The following TUFT1 variants were observed in gnomAD, a reference collection of about 807,000 sequenced individuals.
TUFT1 encodes the protein tuftelin.
In TUFT1, 43 loss-of-function variants were observed where a neutral mutation model predicts 57.8. That is an observed-to-expected ratio of 0.74 (90% confidence interval 0.58 to 0.96). The LOEUF (loss-of-function observed/expected upper bound fraction) is 0.96. Ranked by LOEUF, TUFT1 falls within the 40% of genes least tolerant of loss-of-function variation. The pLI is 0.00. For missense variants in TUFT1, 459 were observed against 489.0 expected (o/e 0.94, Z 0.58); for synonymous variants, 166 against 176.7 (o/e 0.94, Z 0.48).
chr1:151,546,112 C>G (rs532276416), intron 1 of TUFT1, among the ~76,000 whole-genome samples: 1 of 145,448 alleles, frequency 6.9e-6, no homozygotes, highest in Non-Finnish European at 1.5e-5. Flanking sequence ...TTCATCCTCT[C>G]TCTCTTTTTC....
intron 1 of TUFT1, among the ~76,000 whole-genome samples, chr1:151,555,349 A>G (rs1665656833): frequency 6.6e-6 from 1 of 151,120 alleles, no homozygotes; most frequent in African/African-American, 2.4e-5. Context: ...AAAAAATTAT[A>G]AGGCATACAC....
At chr1:151,557,405 G>C (rs1665737413) in intron 1 of TUFT1, 2 of 865,204 alleles carry the variant, frequency 2.3e-6, no homozygotes, top group South Asian at 1.4e-5. Context: ...AAACCTAAGA[G>C]GGGCTTTCCA....
intron 1 of TUFT1, among the ~76,000 whole-genome samples, chr1:151,547,372 G>A (rs1571685587): frequency 6.6e-6 from 1 of 152,316 alleles, no homozygotes; most frequent in East Asian, 1.9e-4. Flanking sequence ...TCAGAGAGGT[G>A]GGATGAGCTT....
At chr1:151,549,897 C>G (rs544646139) in intron 1 of TUFT1, among the ~76,000 whole-genome samples, 3 of 152,034 alleles carry the variant, frequency 2.0e-5, no homozygotes, top group East Asian at 3.9e-4. Flanking sequence ...AATTTTTGTA[C>G]TTTTTGTAGA....
intron 1 of TUFT1, among the ~76,000 whole-genome samples, chr1:151,551,305 T>G (rs979185750): frequency 6.6e-6 from 1 of 152,142 alleles, no homozygotes; most frequent in Non-Finnish European, 1.5e-5. Flanking sequence ...GGAAAATCCC[T>G]GAACATATCA....
intron 1 of TUFT1, chr1:151,540,658 G>T (rs1665132597): frequency 1.8e-6 from 1 of 547,306 alleles, no homozygotes; most frequent in Non-Finnish European, 3.3e-6. Flanking sequence ...CCTTTGGTAG[G>T]ACACTGCGGC....
intron 1 of TUFT1, among the ~76,000 whole-genome samples, chr1:151,546,548 T>C (rs1166696285): frequency 6.6e-6 from 1 of 152,202 alleles, no homozygotes; most frequent in Non-Finnish European, 1.5e-5. Flanking sequence ...CTCTCAGCCC[T>C]AGGCAGCCAC....
At chr1:151,580,531 C>T (rs1666613811) in intron 11 of TUFT1, among the ~76,000 whole-genome samples, 1 of 151,754 alleles carries the variant, frequency 6.6e-6, no homozygotes. Context: ...GATGTGGTGG[C>T]ATGCATCTGT....
At chr1:151,555,879 C>T (rs1665680299) in intron 1 of TUFT1, among the ~76,000 whole-genome samples, 1 of 151,526 alleles carries the variant, frequency 6.6e-6, no homozygotes, top group African/African-American at 2.4e-5. Context: ...GTGGTAACAT[C>T]TTGCAAAACT....
chr1:151,578,021 G>C (rs1666531296), intron 9 of TUFT1, among the ~76,000 whole-genome samples: 2 of 150,106 alleles, frequency 1.3e-5, no homozygotes, highest in South Asian at 4.2e-4. Flanking sequence ...GTGAGACCCT[G>C]TCTCCGGAAA....
intron 10 of TUFT1, among the ~76,000 whole-genome samples, 158 bp downstream of exon 10, chr1:151,578,984 C>T (rs899326079): frequency 6.6e-6 from 1 of 152,230 alleles, no homozygotes; most frequent in Non-Finnish European, 1.5e-5. Flanking sequence ...TTGCTTTTCT[C>T]CCATCTTTCC....
chr1:151,546,680 A>G (rs1240200033), intron 1 of TUFT1, among the ~76,000 whole-genome samples: 3 of 152,212 alleles, frequency 2.0e-5, no homozygotes, highest in Non-Finnish European at 4.4e-5. Context: ...AGGTTCATCC[A>G]TGTTGTAATG....
intron 7 of TUFT1, among the ~76,000 whole-genome samples, chr1:151,573,476 G>A (rs1189064699): frequency 6.6e-6 from 1 of 152,186 alleles, no homozygotes; most frequent in African/African-American, 2.4e-5. Flanking sequence ...TCTGATAAAA[G>A]GCTCACTCCT....
At chr1:151,557,649 G>A (rs960963023) in intron 1 of TUFT1, 14 of 1,010,340 alleles carry the variant, frequency 1.4e-5, no homozygotes, top group South Asian at 1.1e-4. Flanking sequence ...ATTTCCACTG[G>A]TACGTTACCA....
chr1:151,555,463 CT>C lies in TUFT1; in HGVS notation c.61-6614del, dbSNP rs397981559. On this transcript the variant is annotated intron_variant, in intron 1 of 12. Coordinates refer to ENST00000368849, the MANE Select transcript of TUFT1 (RefSeq NM_020127.3). ...CAAGTACTTGAAGGAATATTAATTC[CT>C]TTTTTTTTTTTTTAACAAAAAAGAT... 2.7e-3 allele frequency among the ~76,000 whole-genome samples: 384 copies of C among 141,574 alleles called. 1 individual carries two copies. Among genetic ancestry groups the C allele is most frequent in the East Asian group, 0.011 (54 of 4,706 alleles). The allele number at this position is 141,574 out of a possible 152,430, so 92.9% of individuals were successfully genotyped here. A position where few individuals can be genotyped will look rare whatever the true frequency, so the allele number is the denominator to read the frequency against.
In TUFT1 at chr1:151,583,434, A is replaced by G. The variant is rs955544437; in HGVS notation, c.*1727A>G. On this transcript the variant is annotated 3_prime_UTR_variant, in exon 13 of 13. Coordinates refer to ENST00000368849, the MANE Select transcript of TUFT1 (RefSeq NM_020127.3). ...CTCACATTCTGGCTTTGTCCATAACAATGCTCTGGGATTTCAGGGAGTTCC... is the reference window on the plus strand; with the variant it reads ...CTCACATTCTGGCTTTGTCCATAACGATGCTCTGGGATTTCAGGGAGTTCC... 6.6e-6 allele frequency: 1 copy of G among 152,202 alleles called. No homozygotes were observed. The highest frequency in any genetic ancestry group is 1.5e-5 in the Non-Finnish European group (1 of 68,044). 9.4% of individuals were successfully genotyped at this position (152,202 alleles called of 1,614,324 possible). A position where few individuals can be genotyped will look rare whatever the true frequency, so the allele number is the denominator to read the frequency against.
At chr1:151,545,049 G>A (rs4970958) in intron 1 of TUFT1, among the ~76,000 whole-genome samples, 83,978 of 151,402 alleles carry the variant, frequency 0.55, 24,470 homozygotes, top group East Asian at 0.89. Flanking sequence ...AGTGGCTCAC[G>A]TCTGTAATCC....
chr1:151,573,107 A>G (rs77133199), intron 7 of TUFT1, among the ~76,000 whole-genome samples: 3,763 of 152,284 alleles, frequency 0.025, 166 homozygotes, highest in African/African-American at 0.08. Context: ...AGTTCCACTC[A>G]TTATTTTATT....
intron 4 of TUFT1, 53 bp from the exon 5 acceptor site, chr1:151,564,472 G>A: frequency 1.4e-6 from 2 of 1,390,160 alleles, no homozygotes; most frequent in South Asian, 1.2e-5. Flanking sequence ...GGGTGAGTTG[G>A]CATGCTCTCT....
Sources: allele counts gnomAD v4.1 joint callset (sites outside exome capture counted in the v4.1 genomes callset), GRCh38; gene constraint gnomAD v4.1.1; transcripts MANE v1.5; gene names NCBI Gene and HGNC (gene_info 2026-07-23, HGNC 2026-07-21).